The following BMP8A variants were observed in gnomAD, a reference collection of about 807,000 sequenced individuals.
BMP8A encodes the protein bone morphogenetic protein 8a.
In BMP8A, 14 loss-of-function variants were observed where a neutral mutation model predicts 36.8. The observed-to-expected ratio is 0.38, with a 90% confidence interval of 0.25 to 0.60. BMP8A has a LOEUF of 0.60. Among genes scored for constraint, BMP8A ranks in the 20% least tolerant of loss-of-function variants. The pLI is 0.63. For missense variants in BMP8A, 267 were observed against 551.1 expected, an observed-to-expected ratio of 0.48 and a Z score of 5.16; for synonymous variants, 120 against 237.7, an observed-to-expected ratio of 0.50 and a Z score of 4.55.
In BMP8A at chr1:39,525,775, G is replaced by C; in HGVS notation, c.1186G>C (p.Val396Leu). 1 of 1,614,162 alleles carries C rather than the reference G, an allele frequency of 6.2e-7. No homozygotes were observed. Residue 396 changes from valine (V) to leucine (L), a missense_variant, in exon 7 of 7, where the codon GTC becomes CTC. Val to Leu is a conservative substitution (Grantham distance 32). Around this residue, in one of 7 missense-constraint regions of BMP8A, gnomAD observed 132 missense variants for 151.3 expected, o/e 0.87. Coordinates refer to ENST00000331593, the MANE Select transcript of BMP8A (RefSeq NM_181809.4). ...VILRKHRNMVVKACGCH is the reference protein window; with the variant it reads ...VILRKHRNMVLKACGCH ...CCTGCGCAAGCACCGCAACATGGTG[G>C]TCAAGGCCTGCGGCTGCCACTGAGT...
intron 1 of BMP8A, among the ~76,000 whole-genome samples, chr1:39,502,778 T>A (rs1000383973): frequency 6.6e-6 from 1 of 152,256 alleles, no homozygotes; most frequent in South Asian, 2.1e-4. Flanking sequence ...GCACAGTGGC[T>A]CACGCCTGTA....
chr1:39,508,068 G>A (rs575713170), intron 1 of BMP8A, among the ~76,000 whole-genome samples: 30 of 152,214 alleles, frequency 2.0e-4, no homozygotes, highest in Non-Finnish European at 3.7e-4. Context: ...TGGCTAACAC[G>A]GTGAAACCCT....
chr1:39,504,665 A>G (rs1645284486), intron 1 of BMP8A, among the ~76,000 whole-genome samples: 1 of 152,276 alleles, frequency 6.6e-6, no homozygotes, highest in Admixed American at 6.5e-5. Flanking sequence ...GAGACTGAGA[A>G]AAGAAATAAG....
intron 1 of BMP8A, among the ~76,000 whole-genome samples, chr1:39,503,310 G>A (rs531833262): frequency 1.4e-4 from 21 of 152,040 alleles, no homozygotes; most frequent in Admixed American, 5.2e-4. Context: ...TTGAAGTTGC[G>A]TCACTGCACT....
At position 39,523,107 on chromosome 1, in the gene BMP8A, T is replaced by C. The variant is rs775333782; in HGVS notation, c.1049T>C (p.Leu350Pro). ...SCMNATNHAI[L>P]QSLVHLMKPN... is the part of the protein sequence containing the mutation. ...ATGAACGCCACCAACCACGCCATCC[T>C]GCAGTCCCTGGTCAGTACCGTGCCC... Residue 350 changes from leucine to proline, a missense_variant, in exon 6 of 7, where the codon CTG becomes CCG. Around this residue, in one of 7 missense-constraint regions of BMP8A, gnomAD observed 132 missense variants for 151.3 expected, o/e 0.87. Transcript: ENST00000331593. The C allele has an allele frequency of 6.2e-7, 1 of 1,614,020 alleles. No homozygotes were observed. The highest frequency in any genetic ancestry group is 1.7e-5 in the Admixed American group (1 of 60,012).
intron 1 of BMP8A, among the ~76,000 whole-genome samples, chr1:39,506,948 AG>A (rs1164349306): frequency 2.0e-5 from 3 of 152,250 alleles, no homozygotes; most frequent in Non-Finnish European, 2.9e-5. Flanking sequence ...AAAATGAATG[AG>A]GAAAAGTCAG....
At chr1:39,497,817 A>T (rs1645218678) in intron 1 of BMP8A, among the ~76,000 whole-genome samples, 1 of 152,136 alleles carries the variant, frequency 6.6e-6, no homozygotes, top group Non-Finnish European at 1.5e-5. Context: ...AGCCAGGAGG[A>T]ACCTGGGCCT....
chr1:39,515,664 G>C (rs1436096177), intron 3 of BMP8A: 5 of 1,574,406 alleles, frequency 3.2e-6, no homozygotes, highest in Non-Finnish European at 4.3e-6. Flanking sequence ...CATGTGCAAA[G>C]CTGCAGACGT....
At chr1:39,519,606 G>A (rs903834599) in intron 3 of BMP8A, among the ~76,000 whole-genome samples, 1 of 149,130 alleles carries the variant, frequency 6.7e-6, no homozygotes, top group Non-Finnish European at 1.5e-5. Context: ...GTTGGTCTCT[G>A]GATTCACTGG....
chr1:39,526,077 T>TATC lies in BMP8A; in HGVS notation c.*280_*282dup, dbSNP rs1645480579. ...CTGTCTGGAGTCAGCACAGAAGTCC[T>TATC]ATCTTAGGACCTGTCAGACTGTGGC... On this transcript the variant is annotated 3_prime_UTR_variant, in exon 7 of 7. Coordinates refer to ENST00000331593, the MANE Select transcript of BMP8A (RefSeq NM_181809.4). The TATC allele has an allele frequency of 5.8e-6, 3 of 515,988 alleles. No homozygotes were observed. Among genetic ancestry groups the TATC allele is most frequent in the Non-Finnish European group, 1.0e-5 (3 of 291,954 alleles). 32.0% of individuals were successfully genotyped at this position (515,988 alleles called of 1,614,324 possible).
At chr1:39,505,115 C>A (rs1170835507) in intron 1 of BMP8A, among the ~76,000 whole-genome samples, 1 of 152,190 alleles carries the variant, frequency 6.6e-6, no homozygotes, top group Non-Finnish European at 1.5e-5. Context: ...CTTATCTCAA[C>A]TGCAAAGAGT....
chr1:39,495,618 C>T (rs532978140), intron 1 of BMP8A, among the ~76,000 whole-genome samples: 3 of 143,850 alleles, frequency 2.1e-5, no homozygotes, highest in East Asian at 2.0e-4. Flanking sequence ...TCTGCTTTCT[C>T]GTCCATTCTA....
At chr1:39,492,938 G>A (rs554418983) in intron 1 of BMP8A, among the ~76,000 whole-genome samples, 5 of 152,274 alleles carry the variant, frequency 3.3e-5, no homozygotes, top group East Asian at 3.9e-4. Context: ...GTGAGTGTCC[G>A]GTCCTGTGGA....
intron 1 of BMP8A, among the ~76,000 whole-genome samples, chr1:39,509,281 G>A (rs141293647): frequency 2.0e-5 from 3 of 152,322 alleles, no homozygotes; most frequent in African/African-American, 7.2e-5. Flanking sequence ...CTTGCAAATG[G>A]GGGATTCTTA....
At chr1:39,501,042 A>G (rs1366128524) in intron 1 of BMP8A, among the ~76,000 whole-genome samples, 1 of 152,240 alleles carries the variant, frequency 6.6e-6, no homozygotes, top group African/African-American at 2.4e-5. Context: ...GGCTACTTCA[A>G]TTCATGGCAG....
intron 1 of BMP8A, among the ~76,000 whole-genome samples, chr1:39,508,486 A>T (rs570706210): frequency 6.6e-6 from 1 of 152,336 alleles, no homozygotes; most frequent in Non-Finnish European, 1.5e-5. Context: ...TTCGCAGATA[A>T]GGAGACTGAT....
rs370461033 is a variant in BMP8A at position 39,492,285 on chromosome 1, C to T, written c.294C>T (p.Arg98=). The T allele has an allele frequency of 7.0e-5, 109 of 1,565,290 alleles. No individual in the cohort carries two copies. In the African/African-American group the frequency reaches 1.5e-3, roughly 21 times the overall value. ...AGGACGGCGCGCCCGCGGAGCAGCG[C>T]CTGGGCCGCGCCGACCTGGTCATGA... ...DDEDGAPAEQ[R]LGRADLVMSF... is the part of the protein sequence containing the mutation. Residue 98 remains arginine (R), a synonymous_variant, in exon 1 of 7, where the codon CGC becomes CGT. Coordinates refer to ENST00000331593, the MANE Select transcript of BMP8A (RefSeq NM_181809.4).
intron 3 of BMP8A, chr1:39,514,864 A>G: frequency 7.9e-7 from 1 of 1,264,290 alleles, no homozygotes; most frequent in Non-Finnish European, 1.0e-6. Context: ...GGAGTGCGTC[A>G]GGGCGCGGGC....
At chr1:39,496,884 A>G (rs556474631) in intron 1 of BMP8A, among the ~76,000 whole-genome samples, 1 of 152,344 alleles carries the variant, frequency 6.6e-6, no homozygotes, top group South Asian at 2.1e-4. Context: ...GAAATAATGC[A>G]TGCTCATTCT....
Sources: gnomAD v4.1 joint callset for allele counts (sites outside exome capture counted in the v4.1 genomes callset) on GRCh38, gnomAD v4.1.1 for gene constraint, gnomAD v4.1.1 regional missense constraint, MANE v1.5 for transcripts, NCBI Gene and HGNC (gene_info 2026-07-23, HGNC 2026-07-21) for gene names.